Variants in RAB3C observed in about 807,000 individuals in gnomAD.
RAB3C encodes the protein ras-related protein Rab-3C.
In RAB3C, 17 loss-of-function variants were observed where a neutral mutation model predicts 26.4. The observed-to-expected ratio is 0.64, with a 90% CI of 0.44 to 0.97. The LOEUF (loss-of-function observed/expected upper bound fraction) is 0.97. Ranked by LOEUF, RAB3C falls within the 50% of genes least tolerant of loss-of-function variation. The pLI, the probability that RAB3C is intolerant of heterozygous loss-of-function variation, is 0.00. For missense variants in RAB3C, 242 were observed against 281.9 expected, an observed-to-expected ratio of 0.86 and a Z score of 1.01; for synonymous variants, 91 against 95.9, an observed-to-expected ratio of 0.95 and a Z score of 0.30.
chr5:58,815,851 T>C (rs1743205055), intron 3 of RAB3C: 1 of 152,080 alleles, frequency 6.6e-6, no homozygotes, highest in African/African-American at 2.4e-5. Context: ...GAAAAAGTTA[T>C]AGTGAGTGAT....
At chr5:58,627,875 G>C (rs1747092795) in intron 2 of RAB3C, among the ~76,000 whole-genome samples, 1 of 152,044 alleles carries the variant, frequency 6.6e-6, no homozygotes, top group African/African-American at 2.4e-5. Flanking sequence ...CAAAGCATCG[G>C]GGCCAGGCGC....
intron 3 of RAB3C, among the ~76,000 whole-genome samples, chr5:58,738,688 G>A (rs172397): frequency 0.56 from 84,459 of 151,970 alleles, 23,732 homozygotes; most frequent in East Asian, 0.62. Context: ...TAGGGAATTT[G>A]AAGATTAAAT....
intron 2 of RAB3C, among the ~76,000 whole-genome samples, chr5:58,632,726 CAT>C (rs1443278882): frequency 1.4e-4 from 21 of 152,198 alleles, no homozygotes; most frequent in African/African-American, 5.1e-4. Context: ...GAGCTTCTGA[CAT>C]ACTGTATTTG....
chr5:58,593,287 G>T (rs1561258557), intron 1 of RAB3C, among the ~76,000 whole-genome samples: 1 of 152,076 alleles, frequency 6.6e-6, no homozygotes. Context: ...TCCAAGTGAA[G>T]ACAGATATTA....
intron 2 of RAB3C, among the ~76,000 whole-genome samples, chr5:58,693,022 G>T (rs202024899): frequency 6.6e-6 from 1 of 151,632 alleles, no homozygotes. Context: ...CAGGAGAATC[G>T]CTTGAACCCA....
At chr5:58,760,589 C>A (rs1032386183) in intron 3 of RAB3C, among the ~76,000 whole-genome samples, 1 of 152,162 alleles carries the variant, frequency 6.6e-6, no homozygotes, top group Non-Finnish European at 1.5e-5. Context: ...TTCATGTAAG[C>A]AGTTGGTATT....
At position 58,720,877 on chromosome 5, in the gene RAB3C, G is replaced by A. The variant is rs560051163; in HGVS notation, c.253-5125G>A. Among the ~76,000 whole-genome samples, 71 of 151,784 alleles carry A rather than the reference G, an allele frequency of 4.7e-4. No individual in the cohort carries two copies. The South Asian group carries it at 0.014, about 31-fold the overall frequency. ...TTTTCCCTTTAATTGAATACAAGGA[G>A]AAGTAACCACTAAAACAAAAAACAA... On this transcript the variant is annotated intron_variant, in intron 2 of 4. Transcript: ENST00000282878.
chr5:58,737,248 C>T (rs1741158721), intron 3 of RAB3C, among the ~76,000 whole-genome samples: 2 of 151,780 alleles, frequency 1.3e-5, no homozygotes. Flanking sequence ...AGCCCACATA[C>T]CTCCTTCATG....
intron 2 of RAB3C, among the ~76,000 whole-genome samples, chr5:58,712,966 A>T (rs1420618215): frequency 6.6e-6 from 1 of 152,248 alleles, no homozygotes; most frequent in Non-Finnish European, 1.5e-5. Context: ...GCTGGGAAAC[A>T]TGGCCAAATT....
chr5:58,621,632 G>A (rs1746940746), intron 2 of RAB3C, among the ~76,000 whole-genome samples: 1 of 152,178 alleles, frequency 6.6e-6, no homozygotes, highest in African/African-American at 2.4e-5. Context: ...CTGGAGTGCA[G>A]TGGTGCAATC....
At chr5:58,755,641 C>T (rs925647158) in intron 3 of RAB3C, among the ~76,000 whole-genome samples, 22 of 152,280 alleles carry the variant, frequency 1.4e-4, no homozygotes, top group Admixed American at 1.1e-3. Flanking sequence ...GCTTGTACTG[C>T]GGAAAGAAAC....
intron 2 of RAB3C, among the ~76,000 whole-genome samples, chr5:58,618,909 T>TA (rs1219602621): frequency 3.3e-5 from 5 of 152,108 alleles, no homozygotes; most frequent in African/African-American, 1.2e-4. Context: ...GATTGATCAA[T>TA]AGGACTGACA....
chr5:58,592,053 C>T (rs1261343663), intron 1 of RAB3C, among the ~76,000 whole-genome samples: 1 of 151,960 alleles, frequency 6.6e-6, no homozygotes, highest in African/African-American at 2.4e-5. Flanking sequence ...CATGTGCAAC[C>T]ACACCCAGCT....
Position 58,761,617 on chromosome 5 carries a change from C to T in RAB3C, c.371+35497C>T, listed in dbSNP as rs576612885. ...TTTATGTCCTCCTGGAAACCCTGAA[C>T]TTTGACATACACACACATACCCACA... is the stretch of plus-strand genomic sequence containing the variant. On this transcript the variant is annotated intron_variant, in intron 3 of 4. Coordinates refer to ENST00000282878, the MANE Select transcript of RAB3C (RefSeq NM_138453.4). 6.6e-5 allele frequency among the ~76,000 whole-genome samples: 10 copies of T among 152,240 alleles called. No homozygotes were observed. The South Asian group carries it at 2.1e-3, about 32-fold the overall frequency.
chr5:58,603,841 C>T (rs1304348608), intron 1 of RAB3C, among the ~76,000 whole-genome samples: 1 of 152,116 alleles, frequency 6.6e-6, no homozygotes, highest in African/African-American at 2.4e-5. Context: ...GGATTCATTG[C>T]TGGTGAACTA....
chr5:58,705,386 A>T (rs1003113320), intron 2 of RAB3C, among the ~76,000 whole-genome samples: 4 of 152,182 alleles, frequency 2.6e-5, no homozygotes, highest in Non-Finnish European at 2.9e-5. Flanking sequence ...TATGGTCAGG[A>T]GTTTTGCAAT....
At chr5:58,700,285 G>C (rs1748814317) in intron 2 of RAB3C, among the ~76,000 whole-genome samples, 1 of 152,146 alleles carries the variant, frequency 6.6e-6, no homozygotes, top group Non-Finnish European at 1.5e-5. Context: ...TGTTTCATAT[G>C]ATTTAGTTTT....
At chr5:58,626,533 GCTGT>G in intron 2 of RAB3C, among the ~76,000 whole-genome samples, 1 of 152,168 alleles carries the variant, frequency 6.6e-6, no homozygotes, top group Non-Finnish European at 1.5e-5. Context: ...CCAAAGCCAG[GCTGT>G]CTGAGTTCAA....
intron 2 of RAB3C, among the ~76,000 whole-genome samples, chr5:58,712,501 C>T (rs999502272): frequency 2.6e-5 from 4 of 151,972 alleles, no homozygotes; most frequent in African/African-American, 9.7e-5. Context: ...TTAAAACTGT[C>T]TACAAAAAAA....
Sources: allele counts gnomAD v4.1 joint callset (sites outside exome capture counted in the v4.1 genomes callset), GRCh38; gene constraint gnomAD v4.1.1; transcripts MANE v1.5; gene names NCBI Gene and HGNC (gene_info 2026-07-23, HGNC 2026-07-21).